Variants in SLC9A3 observed in about 807,000 individuals in gnomAD.
The protein encoded by SLC9A3 is solute carrier family 9 member A3, also known as sodium/hydrogen exchanger 3.
In SLC9A3, 37 loss-of-function variants were observed where a neutral mutation model predicts 86.8. That is an observed-to-expected ratio of 0.43 (90% CI 0.33 to 0.56). SLC9A3 has a LOEUF of 0.56. Ranked by LOEUF, SLC9A3 falls within the 20% of genes least tolerant of loss-of-function variation. The pLI, the probability that SLC9A3 is intolerant of heterozygous loss-of-function variation, is 0.06. For synonymous variants in SLC9A3, 581 were observed against 528.3 expected, an observed-to-expected ratio of 1.10 and a Z score of -1.37; for missense variants, 1,011 against 1,171.9, an observed-to-expected ratio of 0.86 and a Z score of 2.00.
In SLC9A3 at chr5:509,224, C is replaced by A. The variant is rs375469050; in HGVS notation, c.211+14888G>T. 7.8e-4 allele frequency among the ~76,000 whole-genome samples: 118 copies of A among 150,468 alleles called. 6 individuals are homozygous for A. In the East Asian group the frequency reaches 0.014, roughly 18 times the overall value. ...CCACTTTGGGAGGCTAATGGTGGAG[C>A]GGATCACTTGAGGCCAGGAGTTAAA... is the stretch of plus-strand genomic sequence containing the variant. On this transcript the variant is annotated intron_variant, in intron 1 of 16. Coordinates refer to ENST00000264938, the MANE Select transcript of SLC9A3 (RefSeq NM_004174.4).
chr5:479,874 C>T lies in SLC9A3; in HGVS notation c.1609G>A (p.Glu537Lys), dbSNP rs371820443. Reference sequence around the variant, plus strand: ...CTGATGGCATCCTTCAGGTTCAGCTCGTGGAAGACATTCAGGATCCGGTCT... The same window carrying T: ...CTGATGGCATCCTTCAGGTTCAGCTTGTGGAAGACATTCAGGATCCGGTCT... ...SRDRILNVFH[E>K]LNLKDAISYV... is the part of the protein sequence containing the mutation. Residue 537 changes from glutamate to lysine, a missense_variant, in exon 10 of 17, where the codon GAG becomes AAG. Glu to Lys is a moderately conservative substitution (Grantham distance 56, BLOSUM62 1). Transcript: ENST00000264938. 1.2e-6 allele frequency: 2 copies of T among 1,613,778 alleles called. No homozygotes were observed. Among genetic ancestry groups the T allele is most frequent in the Non-Finnish European group, 1.7e-6 (2 of 1,180,002 alleles).
At position 483,333 on chromosome 5, in the gene SLC9A3, G is replaced by A. The variant is rs866342855; in HGVS notation, c.1082C>T (p.Pro361Leu). 8 of 1,566,304 alleles carry A rather than the reference G, an allele frequency of 5.1e-6. No homozygotes were observed. The highest frequency in any genetic ancestry group is 2.7e-5 in the African/African-American group (2 of 73,548). ...GGCCGTGTTCCAGGTCCAGATGAAC[G>A]GGTTCACGGCCGAGATACCCAGGAA... ...FMFLGISAVN[P>L]FIWTWNTAFV... The change falls in exon 6 of 17, where the codon CCG becomes CTG. Residue 361 changes from proline (P) to leucine (L), a missense_variant. Coordinates refer to ENST00000264938, the MANE Select transcript of SLC9A3 (RefSeq NM_004174.4).
chr5:506,895 AC>A (rs1268969598), intron 1 of SLC9A3, among the ~76,000 whole-genome samples: 12 of 134,416 alleles, frequency 8.9e-5, no homozygotes, highest in African/African-American at 4.0e-4. Context: ...GAGAAACAAA[AC>A]AAAAAAAAAA....
At chr5:480,099 G>T in intron 9 of SLC9A3, 134 bp from the exon 10 acceptor site, 1 of 959,630 alleles carries the variant, frequency 1.0e-6, no homozygotes, top group Non-Finnish European at 1.5e-6. Flanking sequence ...AATGAGGGAA[G>T]CAGCCCCTGC....
At chr5:481,480 G>T in intron 9 of SLC9A3, 85 bp downstream of exon 9, 1 of 1,134,068 alleles carries the variant, frequency 8.8e-7, no homozygotes, top group Non-Finnish European at 1.3e-6. Context: ...CAGTTGTTAT[G>T]CATGTGGCTT....
At chr5:482,782 C>T (rs374301599) in intron 6 of SLC9A3, 32 bp from the exon 7 acceptor site, 42 of 1,540,972 alleles carry the variant, frequency 2.7e-5, no homozygotes, top group South Asian at 1.2e-4. Context: ...CTCAGCTCCC[C>T]GGCCGCCCTC....
At chr5:476,954 G>A (rs1212371148) in intron 11 of SLC9A3, 10 of 532,678 alleles carry the variant, frequency 1.9e-5, no homozygotes, top group South Asian at 4.4e-5. Flanking sequence ...TGTAAGACTC[G>A]GGGACCCCAG....
intron 1 of SLC9A3, among the ~76,000 whole-genome samples, chr5:493,840 C>T (rs1739905047): frequency 6.6e-6 from 1 of 152,232 alleles, no homozygotes. Context: ...CTCCGGGCTG[C>T]ACATCCTGCA....
At chr5:488,293 G>A in intron 3 of SLC9A3, 23 bp downstream of exon 3, 1 of 1,611,388 alleles carries the variant, frequency 6.2e-7, no homozygotes, top group Non-Finnish European at 8.5e-7. Flanking sequence ...CGCCCGCTCT[G>A]GAGCGGTGGC....
intron 4 of SLC9A3, 133 bp from the exon 5 acceptor site, chr5:484,830 G>A: frequency 1.2e-6 from 1 of 847,394 alleles, no homozygotes; most frequent in Non-Finnish European, 1.8e-6. Context: ...TGGAGATCGG[G>A]CCTGGTCTCA....
chr5:477,721 AG>A (rs1252655384), intron 10 of SLC9A3: 3 of 407,866 alleles, frequency 7.4e-6, no homozygotes. Flanking sequence ...CTGAGTGTGA[AG>A]GGGTAAAGCT....
chr5:478,434 C>G (rs995536168), intron 10 of SLC9A3: 1 of 115,532 alleles, frequency 8.7e-6, no homozygotes, highest in African/African-American at 3.5e-5. Context: ...TTCCCCTGCC[C>G]CTGCCGAGCC....
rs771126258 is a variant in SLC9A3, at chr5:477,332, A to G, written c.1760T>C (p.Leu587Pro). 1 of 1,591,942 alleles carries G rather than the reference A, an allele frequency of 6.3e-7. No individual in the cohort carries two copies. The highest frequency in any genetic ancestry group is 8.6e-7 in the Non-Finnish European group (1 of 1,164,230). ...AAGCTGCATGACCATGGCCACATACAGGAGGTAGGAGACAGAGGCCTCCAC... is the reference window on the plus strand; with the variant it reads ...AAGCTGCATGACCATGGCCACATACGGGAGGTAGGAGACAGAGGCCTCCAC... ...STVEASVSYL[L>P]RENVSAVCLD... The change falls in exon 11 of 17, where the codon CTG (leucine) becomes CCG (proline). Residue 587 changes from leucine to proline, a missense_variant and splice_region_variant. Around this residue, in one of 3 missense-constraint regions of SLC9A3, gnomAD observed 397 missense variants for 346.3 expected, o/e 1.15. Coordinates refer to ENST00000264938, the MANE Select transcript of SLC9A3 (RefSeq NM_004174.4).
chr5:481,479 T>C (rs911692559), intron 9 of SLC9A3, 86 bp downstream of exon 9: 30 of 1,131,426 alleles, frequency 2.7e-5, no homozygotes, highest in African/African-American at 4.6e-5. Context: ...ACAGTTGTTA[T>C]GCATGTGGCT....
rs747483851 is a variant in SLC9A3, at chr5:499,546, C to T, written c.212-7475G>A. ...GCACGTTTTTAGGATGGGATGACGA[C>T]ACTTGGGTTCCAGGGTCCCTGTGTG... On this transcript the variant is annotated intron_variant, in intron 1 of 16. Transcript: ENST00000264938. Among the ~76,000 whole-genome samples the T allele has an allele frequency of 3.7e-4, 56 of 152,242 alleles. 1 individual carries two copies. The highest frequency in any genetic ancestry group is 7.2e-4 in the Non-Finnish European group (49 of 68,042).
intron 14 of SLC9A3, 86 bp downstream of exon 14, chr5:475,934 G>C: frequency 1.7e-6 from 2 of 1,210,472 alleles, no homozygotes; most frequent in East Asian, 2.5e-5. Context: ...GGAAGGTCCT[G>C]AGAGGGGAGG....
intron 8 of SLC9A3, 24 bp from the exon 9 acceptor site, chr5:481,659 G>A (rs1739172118): frequency 6.2e-7 from 1 of 1,603,508 alleles, no homozygotes. Flanking sequence ...AAAGACATGA[G>A]CGTCTCGGGG....
Position 482,599 on chromosome 5 carries a change from G to A in SLC9A3, c.1305C>T (p.Asn435=), listed in dbSNP as rs370392353. The change falls in exon 7 of 17, where the codon AAC becomes AAT. Residue 435 remains asparagine, a synonymous_variant. Transcript: ENST00000264938. ...LLDGDKVKEK[N]LFVSTTIIVV... is the part of the protein sequence containing the mutation. Reference sequence around the variant, plus strand: ...CGATGATGGTGGTGCTGACGAACAGGTTCTTCTCCTTGACCTTGTCTCCAT... The same window carrying A: ...CGATGATGGTGGTGCTGACGAACAGATTCTTCTCCTTGACCTTGTCTCCAT... The A allele has an allele frequency of 4.0e-5, 65 of 1,612,872 alleles. No homozygotes were observed. Among genetic ancestry groups the A allele is most frequent in the Non-Finnish European group, 5.5e-5 (65 of 1,179,910 alleles).
chr5:483,030 C>T (rs909753417), intron 6 of SLC9A3, among the ~76,000 whole-genome samples: 1 of 151,992 alleles, frequency 6.6e-6, no homozygotes, highest in African/African-American at 2.4e-5. Context: ...TCTCTCGTGC[C>T]ACTGACCCTG....
Sources: allele counts gnomAD v4.1 joint callset (sites outside exome capture counted in the v4.1 genomes callset), GRCh38; gene constraint gnomAD v4.1.1; regional missense constraint gnomAD v4.1.1; transcripts MANE v1.5; gene names NCBI Gene and HGNC (gene_info 2026-07-23, HGNC 2026-07-21).